GCNT2: variants seen among roughly 807,000 people sequenced by gnomAD.
GCNT2 encodes the protein N-acetyllactosaminide beta-1,6-N-acetylglucosaminyl-transferase.
In GCNT2, 34 loss-of-function variants were observed where a neutral mutation model predicts 34.2. The observed-to-expected ratio is 1.00, with a 90% CI of 0.76 to 1.32. GCNT2 has a LOEUF of 1.32. Ranked by LOEUF, GCNT2 falls within the 40% of genes most tolerant of loss-of-function variation. The pLI is 0.00. For synonymous variants in GCNT2, 212 were observed against 188.0 expected (o/e 1.13, Z -1.04); for missense variants, 584 against 489.4 (o/e 1.19, Z -1.82).
intron 3 of GCNT2, among the ~76,000 whole-genome samples, chr6:10,554,177 A>G: frequency 6.6e-6 from 1 of 152,208 alleles, no homozygotes; most frequent in Non-Finnish European, 1.5e-5. Flanking sequence ...TGTACAGCCT[A>G]TTAGAAAAGA....
rs558615270 is a variant in GCNT2, at chr6:10,525,320, A to G, written c.-468-2154A>G. On this transcript the variant is annotated intron_variant, in intron 1 of 4. Transcript: ENST00000495262. Reference sequence around the variant, plus strand: ...AACTATAAGTCTTTGCTGGTTCCCAATTTGTTCAGAACTCTTTATTTATCC... The same window carrying G: ...AACTATAAGTCTTTGCTGGTTCCCAGTTTGTTCAGAACTCTTTATTTATCC... Among the ~76,000 whole-genome samples, 14 of 152,144 alleles carry G rather than the reference A, an allele frequency of 9.2e-5. 1 individual carries two copies. Among genetic ancestry groups the G allele is most frequent in the Non-Finnish European group, 2.1e-4 (14 of 68,022 alleles).
At chr6:10,620,077 T>G (rs562593463) in intron 3 of GCNT2, among the ~76,000 whole-genome samples, 12 of 152,370 alleles carry the variant, frequency 7.9e-5, no homozygotes, top group East Asian at 1.9e-4. Context: ...ATCAGCAACT[T>G]TAATCTCCCT....
Position 10,536,515 on chromosome 6 carries a change from C to T in GCNT2, c.925+6679C>T, listed in dbSNP as rs760155917. Reference sequence around the variant, plus strand: ...GACTACAGGCGCCCACCACTGTGCCCGGCTAATTTTTTGTATATTTAGTAG... The same window carrying T: ...GACTACAGGCGCCCACCACTGTGCCTGGCTAATTTTTTGTATATTTAGTAG... On this transcript the variant is annotated intron_variant, in intron 3 of 4. Transcript: ENST00000495262. 7.3e-4 allele frequency among the ~76,000 whole-genome samples: 110 copies of T among 150,514 alleles called. 1 individual carries two copies. The highest frequency in any genetic ancestry group is 7.2e-3 in the Middle Eastern group (2 of 276).
At position 10,529,322 on chromosome 6, in the gene GCNT2, A is replaced by C; in HGVS notation, c.411A>C (p.Lys137Asn). ...HLDQKATDAF[K>N]GAVKQLLSCF... The stretch of plus-strand genomic sequence containing the variant: ...ATCAGAAGGCGACGGATGCCTTTAA[A>C]GGTGCAGTGAAACAGTTACTCAGCT... The change falls in exon 3 of 5, where the codon AAA becomes AAC. Residue 137 changes from lysine (K) to asparagine (N), a missense_variant. Coordinates refer to ENST00000495262, the MANE Select transcript of GCNT2 (RefSeq NM_145649.5). 1 of 1,614,150 alleles carries C rather than the reference A, an allele frequency of 6.2e-7. No homozygotes were observed. The highest frequency in any genetic ancestry group is 1.6e-4 in the Middle Eastern group (1 of 6,062).
chr6:10,572,945 C>T (rs997368201), intron 3 of GCNT2, among the ~76,000 whole-genome samples: 2 of 152,110 alleles, frequency 1.3e-5, no homozygotes, highest in African/African-American at 4.8e-5. Context: ...CTATCCAAGC[C>T]CTCTGCCCTA....
chr6:10,562,655 T>TG (rs956803885), intron 3 of GCNT2, among the ~76,000 whole-genome samples: 20 of 67,316 alleles, frequency 3.0e-4, no homozygotes, highest in South Asian at 9.1e-4. Context: ...AGAACTTCTC[T>TG]GAAAAAAAAA....
chr6:10,553,091 C>T (rs762040664), intron 3 of GCNT2, among the ~76,000 whole-genome samples: 10 of 152,196 alleles, frequency 6.6e-5, no homozygotes, highest in Admixed American at 4.6e-4. Flanking sequence ...AGTCCTTTCC[C>T]AACTAAAGGA....
intron 3 of GCNT2, among the ~76,000 whole-genome samples, chr6:10,576,095 C>T (rs1561811830): frequency 6.6e-6 from 1 of 152,206 alleles, no homozygotes; most frequent in South Asian, 2.1e-4. Context: ...GTCTCGAACT[C>T]CTGACCTCAG....
chr6:10,617,189 T>G (rs933331615), intron 3 of GCNT2, among the ~76,000 whole-genome samples: 2 of 152,100 alleles, frequency 1.3e-5, no homozygotes, highest in Non-Finnish European at 2.9e-5. Context: ...CGGCTGCAGG[T>G]GCTGAGCCCT....
intron 3 of GCNT2, among the ~76,000 whole-genome samples, chr6:10,611,062 G>A (rs1420548265): frequency 1.3e-5 from 2 of 151,892 alleles, no homozygotes; most frequent in East Asian, 1.9e-4. Flanking sequence ...AACAAAACAG[G>A]GTCTCTTTTA....
intron 3 of GCNT2, among the ~76,000 whole-genome samples, chr6:10,582,241 T>G (rs1279988604): frequency 1.7e-5 from 2 of 119,774 alleles, no homozygotes; most frequent in Non-Finnish European, 3.2e-5. Context: ...TTTAAATATA[T>G]AAAATATATA....
intron 3 of GCNT2, among the ~76,000 whole-genome samples, chr6:10,532,378 T>C (rs904660008): frequency 1.3e-5 from 2 of 152,218 alleles, no homozygotes; most frequent in Admixed American, 1.3e-4. Flanking sequence ...CCTGAAGTCA[T>C]TTCTGTGTTA....
At chr6:10,571,365 G>C (rs1160405287) in intron 3 of GCNT2, among the ~76,000 whole-genome samples, 1 of 151,860 alleles carries the variant, frequency 6.6e-6, no homozygotes, top group Non-Finnish European at 1.5e-5. Flanking sequence ...ATTATTTTTT[G>C]AGACAGAGTC....
chr6:10,530,974 A>T (rs1182270614), intron 3 of GCNT2, among the ~76,000 whole-genome samples: 1 of 151,614 alleles, frequency 6.6e-6, no homozygotes, highest in Non-Finnish European at 1.5e-5. Context: ...GAATCGCTTG[A>T]ACCCAGGAGG....
intron 1 of GCNT2, among the ~76,000 whole-genome samples, chr6:10,523,072 A>G (rs1027190614): frequency 2.6e-5 from 4 of 152,318 alleles, no homozygotes; most frequent in Non-Finnish European, 4.4e-5. Flanking sequence ...CTGAGCTGCT[A>G]TTTAACTTTG....
Position 10,534,141 on chromosome 6 carries a change from C to CTTTTT in GCNT2, c.925+4319_925+4323dup, listed in dbSNP as rs1224219034. The stretch of plus-strand genomic sequence containing the variant: ...GGTATCTGCCAGATTCCATGCTGCT[C>CTTTTT]TTTTTTTTTTTTTTTTTTAAGATGG... On this transcript the variant is annotated intron_variant, in intron 3 of 4. Transcript: ENST00000495262. 8.6e-4 allele frequency among the ~76,000 whole-genome samples: 103 copies of CTTTTT among 120,286 alleles called. 2 individuals carry two copies. The highest frequency in any genetic ancestry group is 2.6e-3 in the African/African-American group (89 of 34,178). The allele number at this position is 120,286 out of a possible 152,430, so 78.9% of individuals were successfully genotyped here. A position where few individuals can be genotyped will look rare whatever the true frequency, so the allele number is the denominator to read the frequency against.
intron 3 of GCNT2, among the ~76,000 whole-genome samples, chr6:10,615,124 A>T (rs772450842): frequency 3.8e-4 from 58 of 152,322 alleles, no homozygotes; most frequent in South Asian, 1.7e-3. Flanking sequence ...TACAAACCTG[A>T]TGAAGACTGA....
intron 3 of GCNT2, among the ~76,000 whole-genome samples, chr6:10,543,533 A>T (rs1390459407): frequency 6.6e-6 from 1 of 152,126 alleles, no homozygotes; most frequent in African/African-American, 2.4e-5. Flanking sequence ...GACCTGCCAA[A>T]CTGGTTTCCA....
At chr6:10,579,188 C>G (rs890157497) in intron 3 of GCNT2, among the ~76,000 whole-genome samples, 3 of 152,172 alleles carry the variant, frequency 2.0e-5, no homozygotes, top group African/African-American at 7.2e-5. Context: ...AATTTATAGG[C>G]TACCTCTTCA....
Sources: gnomAD v4.1 joint callset for allele counts (sites outside exome capture counted in the v4.1 genomes callset) on GRCh38, gnomAD v4.1.1 for gene constraint, MANE v1.5 for transcripts, NCBI Gene and HGNC (gene_info 2026-07-23, HGNC 2026-07-21) for gene names.